DPP10: variants seen among roughly 807,000 people sequenced by gnomAD.
DPP10 encodes the protein dipeptidyl peptidase like 10.
DPP10 carries 33 observed loss-of-function variants against 120.9 expected under a neutral mutation model. The observed-to-expected ratio is 0.27, with a 90% CI of 0.21 to 0.37. DPP10 has a LOEUF of 0.37. DPP10 is among the 10% of genes least tolerant of loss of function. The pLI is 1.00. For synonymous variants in DPP10, 337 were observed against 326.1 expected, an observed-to-expected ratio of 1.03 and a Z score of -0.36; for missense variants, 816 against 942.8, an observed-to-expected ratio of 0.87 and a Z score of 1.76.
At chr2:115,594,037 A>G (rs2082843235) in intron 5 of DPP10, among the ~76,000 whole-genome samples, 1 of 152,180 alleles carries the variant, frequency 6.6e-6, no homozygotes. Context: ...CCTGTCAGAA[A>G]GTGGCATTCT....
chr2:115,677,361 A>C (rs2090345907), intron 5 of DPP10, among the ~76,000 whole-genome samples: 1 of 152,234 alleles, frequency 6.6e-6, no homozygotes, highest in African/African-American at 2.4e-5. Context: ...GGAAGAAAGA[A>C]ACAAAGAATT....
At chr2:114,650,804 A>G (rs1026095113) in intron 1 of DPP10, among the ~76,000 whole-genome samples, 9 of 152,126 alleles carry the variant, frequency 5.9e-5, no homozygotes, top group Non-Finnish European at 1.2e-4. Flanking sequence ...CACATCCTAC[A>G]TAACTGCTTC....
At chr2:115,422,110 T>G (rs772764765) in intron 3 of DPP10, among the ~76,000 whole-genome samples, 1 of 152,062 alleles carries the variant, frequency 6.6e-6, no homozygotes, top group Non-Finnish European at 1.5e-5. Flanking sequence ...CAAACTCAAA[T>G]GGATTCGAGA....
chr2:114,695,845 T>C lies in DPP10; in HGVS notation c.60+253007T>C, dbSNP rs1700037780. On this transcript the variant is annotated intron_variant, in intron 1 of 25. Coordinates refer to ENST00000410059, the MANE Select transcript of DPP10 (RefSeq NM_020868.6). ...TATGCTGTGATGCAGCCAAAGAAAT[T>C]GTTTAGAGCATCATTAAAATAACCT... Among the ~76,000 whole-genome samples, 3 of 152,212 alleles carry C rather than the reference T, an allele frequency of 2.0e-5. No individual in the cohort carries two copies. In the South Asian group the frequency reaches 6.2e-4, roughly 32 times the overall value.
At chr2:114,861,500 A>G (rs1394228459) in intron 1 of DPP10, among the ~76,000 whole-genome samples, 1 of 152,218 alleles carries the variant, frequency 6.6e-6, no homozygotes, top group African/African-American at 2.4e-5. Context: ...AATAAATAAA[A>G]TATTATTATA....
intron 1 of DPP10, among the ~76,000 whole-genome samples, chr2:115,280,198 T>G (rs1049590996): frequency 1.3e-5 from 2 of 152,168 alleles, no homozygotes; most frequent in African/African-American, 2.4e-5. Flanking sequence ...GTCATACTAG[T>G]GAGTGATGGA....
chr2:115,528,101 T>C (rs1482263357), intron 5 of DPP10, among the ~76,000 whole-genome samples: 4 of 152,050 alleles, frequency 2.6e-5, no homozygotes, highest in Non-Finnish European at 4.4e-5. Context: ...GATGGCTGGG[T>C]CAAATGATAT....
intron 5 of DPP10, among the ~76,000 whole-genome samples, chr2:115,637,265 A>T (rs556027964): frequency 1.3e-5 from 2 of 152,312 alleles, no homozygotes; most frequent in African/African-American, 2.4e-5. Context: ...GAAGAGGAAA[A>T]ATATCTTTCA....
intron 1 of DPP10, among the ~76,000 whole-genome samples, chr2:114,851,269 C>T (rs750268368): frequency 5.3e-5 from 8 of 152,182 alleles, no homozygotes; most frequent in East Asian, 1.9e-4. Flanking sequence ...TAGGGTTTAA[C>T]GATTTCCTTA....
At chr2:114,696,320 C>G (rs1700063915) in intron 1 of DPP10, among the ~76,000 whole-genome samples, 1 of 151,954 alleles carries the variant, frequency 6.6e-6, no homozygotes, top group Non-Finnish European at 1.5e-5. Context: ...GATCTGAAAT[C>G]CAGGTATGGA....
intron 3 of DPP10, among the ~76,000 whole-genome samples, chr2:115,459,540 A>AT (rs1489663529): frequency 6.6e-6 from 1 of 151,950 alleles, no homozygotes; most frequent in African/African-American, 2.4e-5. Flanking sequence ...ATTGATCTCA[A>AT]TTTTTTTCAT....
At chr2:115,137,728 C>T (rs749080774) in intron 1 of DPP10, among the ~76,000 whole-genome samples, 6 of 152,132 alleles carry the variant, frequency 3.9e-5, no homozygotes, top group African/African-American at 1.4e-4. Flanking sequence ...TGAGTGAACT[C>T]CAACTATGAA....
At chr2:115,377,035 A>G (rs1272342253) in intron 3 of DPP10, among the ~76,000 whole-genome samples, 2 of 151,410 alleles carry the variant, frequency 1.3e-5, no homozygotes, top group African/African-American at 4.9e-5. Context: ...TCTTTATAGC[A>G]GCATGATTTA....
chr2:115,515,187 TAAAC>T (rs1377310777), intron 4 of DPP10, among the ~76,000 whole-genome samples: 1 of 151,236 alleles, frequency 6.6e-6, no homozygotes, highest in Non-Finnish European at 1.5e-5. Context: ...AAAACAAACA[TAAAC>T]AAACAGCAAA....
At chr2:115,363,840 G>C (rs746320189) in intron 3 of DPP10, among the ~76,000 whole-genome samples, 2 of 152,190 alleles carry the variant, frequency 1.3e-5, no homozygotes, top group African/African-American at 2.4e-5. Context: ...TTTATTGGGA[G>C]TTGAGTATGT....
chr2:114,842,273 C>T (rs780306100), intron 1 of DPP10, among the ~76,000 whole-genome samples: 11 of 152,052 alleles, frequency 7.2e-5, no homozygotes, highest in Non-Finnish European at 1.6e-4. Flanking sequence ...TACCAGAAGG[C>T]ACTAATGGCT....
At chr2:114,612,343 G>A (rs569938685) in intron 1 of DPP10, among the ~76,000 whole-genome samples, 36 of 152,218 alleles carry the variant, frequency 2.4e-4, no homozygotes, top group African/African-American at 7.9e-4. Context: ...CTCTTGGAAG[G>A]ATTCCAAATC....
intron 1 of DPP10, among the ~76,000 whole-genome samples, chr2:115,011,858 T>C (rs1327450965): frequency 6.6e-6 from 1 of 152,014 alleles, no homozygotes; most frequent in East Asian, 1.9e-4. Flanking sequence ...GCTTGCTTTT[T>C]CAATGGGGAG....
chr2:115,580,587 T>A (rs1343042053), intron 5 of DPP10, among the ~76,000 whole-genome samples: 1 of 152,152 alleles, frequency 6.6e-6, no homozygotes, highest in Non-Finnish European at 1.5e-5. Flanking sequence ...TCTATGAACA[T>A]TCCAGGCACA....
Sources: allele counts gnomAD v4.1 joint callset (sites outside exome capture counted in the v4.1 genomes callset), GRCh38; gene constraint gnomAD v4.1.1; transcripts MANE v1.5; gene names NCBI Gene and HGNC (gene_info 2026-07-23, HGNC 2026-07-21).